The following JPH3 variants were observed in gnomAD, a reference collection of about 807,000 sequenced individuals.
JPH3 encodes junctophilin-3.
In JPH3, 11 loss-of-function variants were observed where a neutral mutation model predicts 59.6. The observed-to-expected ratio is 0.18, with a 90% CI of 0.12 to 0.31. The LOEUF (loss-of-function observed/expected upper bound fraction) is 0.31, where lower values mean the gene tolerates loss of function less well. Among genes scored for constraint, JPH3 ranks in the 10% least tolerant of loss-of-function variants. The pLI is 1.00. For missense variants in JPH3, 1,202 were observed against 1,105.7 expected (o/e 1.09, Z -1.24); for synonymous variants, 673 against 483.6 (o/e 1.39, Z -5.14).
At chr16:87,612,272 C>T (rs1197935887) in intron 1 of JPH3, among the ~76,000 whole-genome samples, 1 of 152,174 alleles carries the variant, frequency 6.6e-6, no homozygotes, top group Non-Finnish European at 1.5e-5. Flanking sequence ...TGCAGGCATG[C>T]ACCCCCATGC....
chr16:87,695,863 G>A (rs1477360896), intron 4 of JPH3: 2 of 455,964 alleles, frequency 4.4e-6, no homozygotes, highest in East Asian at 1.4e-4. Flanking sequence ...GTGGCAGCTT[G>A]GTCCGAGTGC....
In JPH3 at chr16:87,661,926, G is replaced by A. The variant is rs144930872; in HGVS notation, c.1160+16891G>A. ...TCACGTCCCATCTGCTGAGGGGCACGTACGCCACCACTACTCCTGAGTGGC... is the reference window on the plus strand; with the variant it reads ...TCACGTCCCATCTGCTGAGGGGCACATACGCCACCACTACTCCTGAGTGGC... On this transcript the variant is annotated intron_variant, in intron 2 of 4. Coordinates refer to ENST00000284262, the MANE Select transcript of JPH3 (RefSeq NM_020655.4). Among the ~76,000 whole-genome samples, 1,220 of 152,320 alleles carry A rather than the reference G, an allele frequency of 8.0e-3. 15 individuals are homozygous for A. The highest frequency in any genetic ancestry group is 0.026 in the African/African-American group (1,095 of 41,588).
intron 2 of JPH3, among the ~76,000 whole-genome samples, chr16:87,665,195 A>G (rs1229871651): frequency 6.6e-6 from 1 of 152,092 alleles, no homozygotes; most frequent in African/African-American, 2.4e-5. Context: ...CCTTCTCCCC[A>G]GGGTGAGCTC....
chr16:87,671,888 C>T (rs112728011), intron 2 of JPH3, among the ~76,000 whole-genome samples: 3 of 152,182 alleles, frequency 2.0e-5, no homozygotes, highest in Non-Finnish European at 4.4e-5. Context: ...AGTAAAAAGG[C>T]GAACTGGGAG....
intron 2 of JPH3, among the ~76,000 whole-genome samples, chr16:87,650,942 C>T (rs2032308091): frequency 6.6e-6 from 1 of 152,236 alleles, no homozygotes; most frequent in African/African-American, 2.4e-5. Flanking sequence ...GTCGATGGAA[C>T]AGCTTTCTAT....
In JPH3 at chr16:87,616,606, G is replaced by A. The variant is rs548803876; in HGVS notation, c.382+13078G>A. On this transcript the variant is annotated intron_variant, in intron 1 of 4. Transcript: ENST00000284262. The stretch of plus-strand genomic sequence containing the variant: ...TTTTGAGATCACCGTAGATTCCCAG[G>A]CAGTGGTGAGGAATAGATCAGAGAT... Among the ~76,000 whole-genome samples, 6 of 152,070 alleles carry A rather than the reference G, an allele frequency of 3.9e-5. No individual in the cohort carries two copies. In the South Asian group the frequency reaches 1.2e-3, roughly 32 times the overall value.
intron 4 of JPH3, among the ~76,000 whole-genome samples, chr16:87,692,839 G>A (rs986531718): frequency 3.7e-4 from 57 of 152,202 alleles, no homozygotes; most frequent in Admixed American, 1.1e-3. Context: ...CGCCCACAGC[G>A]TCCGTACCTG....
chr16:87,653,875 C>T (rs1416625679), intron 2 of JPH3: 2 of 152,238 alleles, frequency 1.3e-5, no homozygotes, highest in Admixed American at 6.5e-5. Context: ...GCAGAGGAGA[C>T]AACAAGGAGA....
At chr16:87,625,508 C>A (rs2031340150) in intron 1 of JPH3, among the ~76,000 whole-genome samples, 1 of 152,186 alleles carries the variant, frequency 6.6e-6, no homozygotes, top group Non-Finnish European at 1.5e-5. Context: ...GAGGGGCCCC[C>A]TGAGCAGGAG....
intron 1 of JPH3, among the ~76,000 whole-genome samples, chr16:87,634,106 G>T (rs1597248961): frequency 6.6e-6 from 1 of 152,200 alleles, no homozygotes; most frequent in African/African-American, 2.4e-5. Flanking sequence ...AGAGGCAGGA[G>T]GGACAGGCAC....
At chr16:87,604,694 T>C (rs1208533620) in intron 1 of JPH3, 2 of 1,135,208 alleles carry the variant, frequency 1.8e-6, no homozygotes, top group Non-Finnish European at 1.1e-6. Flanking sequence ...TCGGAACACC[T>C]GCTCCACGGC....
chr16:87,620,409 G>A (rs1025942934), intron 1 of JPH3, among the ~76,000 whole-genome samples: 1 of 149,650 alleles, frequency 6.7e-6, no homozygotes, highest in African/African-American at 2.5e-5. Context: ...CCTGGATGGG[G>A]GTGTGGTTAG....
chr16:87,652,511 C>T (rs918556057), intron 2 of JPH3, among the ~76,000 whole-genome samples: 3 of 152,218 alleles, frequency 2.0e-5, no homozygotes, highest in Admixed American at 6.5e-5. Context: ...CCGTCCAGGC[C>T]GGAGCGCAGT....
intron 1 of JPH3, among the ~76,000 whole-genome samples, chr16:87,628,005 T>C (rs1053526473): frequency 1.3e-5 from 2 of 152,170 alleles, no homozygotes; most frequent in Non-Finnish European, 2.9e-5. Context: ...AGTGAGGGGA[T>C]CATGGGTCTG....
chr16:87,606,188 G>T (rs1243023172), intron 1 of JPH3, among the ~76,000 whole-genome samples: 1 of 152,218 alleles, frequency 6.6e-6, no homozygotes, highest in Non-Finnish European at 1.5e-5. Context: ...TCGCAGTGAG[G>T]AAGGAGTTAA....
At chr16:87,691,757 A>G (rs1165859283) in intron 4 of JPH3, among the ~76,000 whole-genome samples, 1 of 152,050 alleles carries the variant, frequency 6.6e-6, no homozygotes, top group African/African-American at 2.4e-5. Flanking sequence ...CAAAGCCCAC[A>G]GAGAACAGCC....
chr16:87,659,886 G>A (rs757491100), intron 2 of JPH3, among the ~76,000 whole-genome samples: 1 of 152,052 alleles, frequency 6.6e-6, no homozygotes, highest in Non-Finnish European at 1.5e-5. Context: ...CCCCTCCCAG[G>A]TTCCCTCCCC....
intron 1 of JPH3, among the ~76,000 whole-genome samples, chr16:87,606,447 T>C (rs573667447): frequency 6.6e-6 from 1 of 152,342 alleles, no homozygotes; most frequent in African/African-American, 2.4e-5. Context: ...TACTCCCTGA[T>C]TGAGCTGAGT....
chr16:87,615,344 C>T (rs1219168502), intron 1 of JPH3, among the ~76,000 whole-genome samples: 3 of 152,336 alleles, frequency 2.0e-5, no homozygotes, highest in African/African-American at 4.8e-5. Context: ...CGCCCCCTTC[C>T]GGAGGCCCCG....
Sources: gnomAD v4.1 joint callset for allele counts (sites outside exome capture counted in the v4.1 genomes callset) on GRCh38, gnomAD v4.1.1 for gene constraint, MANE v1.5 for transcripts, NCBI Gene and HGNC (gene_info 2026-07-23, HGNC 2026-07-21) for gene names.